COPB1: variants seen among roughly 807,000 people sequenced by gnomAD.
The protein encoded by COPB1 is coatomer subunit beta.
A neutral mutation model predicts 108.7 loss-of-function variants in COPB1; 21 were observed. That is an observed-to-expected ratio of 0.19 (90% CI 0.14 to 0.28). COPB1 has a LOEUF of 0.28. COPB1 is among the 10% of genes least tolerant of loss of function. The probability of loss-of-function intolerance (pLI) is 1.00; values close to 1 mark genes in which losing one functional copy is unlikely to be tolerated. For missense variants in COPB1, 919 were observed against 1,141.3 expected (o/e 0.81, Z 2.81); for synonymous variants, 378 against 386.8 (o/e 0.98, Z 0.27).
intron 21 of COPB1, among the ~76,000 whole-genome samples, 155 bp from the exon 22 acceptor site, chr11:14,458,038 T>C (rs1284299638): frequency 6.6e-6 from 1 of 151,494 alleles, no homozygotes; most frequent in East Asian, 1.9e-4. Flanking sequence ...TACTGGTAAT[T>C]ACCTTTCAGT....
intron 12 of COPB1, among the ~76,000 whole-genome samples, 199 bp from the exon 13 acceptor site, chr11:14,476,144 T>C (rs916847317): frequency 6.6e-6 from 1 of 152,234 alleles, no homozygotes; most frequent in African/African-American, 2.4e-5. Flanking sequence ...ATTCCAGGGT[T>C]TGAATTCTCA....
intron 6 of COPB1, among the ~76,000 whole-genome samples, chr11:14,487,700 A>C (rs1850806018): frequency 6.6e-6 from 1 of 151,768 alleles, no homozygotes; most frequent in African/African-American, 2.4e-5. Flanking sequence ...AACAAAAAAA[A>C]AACAAAAAAA....
At position 14,467,304 on chromosome 11, in the gene COPB1, T is replaced by C. The variant is rs368603678; in HGVS notation, c.2146-878A>G. Among the ~76,000 whole-genome samples the C allele has an allele frequency of 7.2e-5, 11 of 151,966 alleles. No homozygotes were observed. In the East Asian group the frequency reaches 9.6e-4, roughly 13 times the overall value. On this transcript the variant is annotated intron_variant, in intron 16 of 21. Transcript: ENST00000439561. ...GTGAAAAGACACTCATCATCACTAA[T>C]CATTAGGAAAATGCAAATCAAAACC...
chr11:14,467,576 A>T (rs1393793539), intron 16 of COPB1, among the ~76,000 whole-genome samples: 1 of 152,236 alleles, frequency 6.6e-6, no homozygotes, highest in African/African-American at 2.4e-5. Context: ...ACTTGAACAG[A>T]TATTTGTACA....
intron 19 of COPB1, 121 bp downstream of exon 19, chr11:14,461,065 A>AAGACT: frequency 8.1e-7 from 1 of 1,236,914 alleles, no homozygotes; most frequent in Non-Finnish European, 1.2e-6. Context: ...CAGATACTGA[A>AAGACT]AGACTATTTG....
At chr11:14,497,343 G>GA (rs61639111) in intron 2 of COPB1, among the ~76,000 whole-genome samples, 98,779 of 148,830 alleles carry the variant, frequency 0.66, 32,757 homozygotes, top group African/African-American at 0.71. Context: ...AACTCTACAG[G>GA]AAAAAAAAAA....
intron 1 of COPB1, among the ~76,000 whole-genome samples, chr11:14,499,236 A>G (rs2134133929): frequency 6.6e-6 from 1 of 152,288 alleles, no homozygotes; most frequent in East Asian, 1.9e-4. Flanking sequence ...GAACAGTGAC[A>G]GTCCCCCCAG....
intron 11 of COPB1, among the ~76,000 whole-genome samples, chr11:14,479,285 A>G (rs1850605089): frequency 1.3e-5 from 2 of 152,234 alleles, no homozygotes; most frequent in African/African-American, 4.8e-5. Flanking sequence ...AATAGCCAAA[A>G]AGTGATGCCA....
At chr11:14,477,805 G>C (rs1489271697) in intron 11 of COPB1, among the ~76,000 whole-genome samples, 2 of 151,424 alleles carry the variant, frequency 1.3e-5, no homozygotes, top group Non-Finnish European at 2.9e-5. Context: ...GCTGAGGCTG[G>C]AGAATCGCTT....
chr11:14,487,692 C>CA (rs372122303), intron 6 of COPB1, among the ~76,000 whole-genome samples: 3,280 of 142,834 alleles, frequency 0.023, 112 homozygotes, highest in African/African-American at 0.077. Flanking sequence ...CAAAAAACAA[C>CA]AAAAAAAAAA....
chr11:14,464,672 T>C (rs1305403342), intron 18 of COPB1, among the ~76,000 whole-genome samples: 2 of 152,148 alleles, frequency 1.3e-5, no homozygotes, highest in East Asian at 1.9e-4. Context: ...GGACTACAAT[T>C]ATATATTGCC....
chr11:14,458,730 T>A, intron 20 of COPB1, 43 bp from the exon 21 acceptor site: 1 of 1,525,984 alleles, frequency 6.6e-7, no homozygotes, highest in Non-Finnish European at 8.9e-7. Flanking sequence ...ACCAGATACC[T>A]ACATAGAGGC....
chr11:14,465,342 A>T (rs1194869316), intron 17 of COPB1, among the ~76,000 whole-genome samples: 1 of 152,034 alleles, frequency 6.6e-6, no homozygotes. Flanking sequence ...CCTACCATTT[A>T]TTTATTTTGA....
intron 11 of COPB1, among the ~76,000 whole-genome samples, chr11:14,478,094 C>G (rs1850568719): frequency 6.6e-6 from 1 of 151,788 alleles, no homozygotes; most frequent in Admixed American, 6.6e-5. Flanking sequence ...TCTAACAAAA[C>G]CTAGGTTTCA....
chr11:14,493,547 G>A (rs944759561), intron 4 of COPB1, 95 bp downstream of exon 4: 2 of 1,012,070 alleles, frequency 2.0e-6, no homozygotes, highest in African/African-American at 3.3e-5. Context: ...ATATCTTCAA[G>A]CTATATTCAG....
intron 2 of COPB1, among the ~76,000 whole-genome samples, chr11:14,496,818 A>G (rs1851031487): frequency 6.6e-6 from 1 of 152,234 alleles, no homozygotes; most frequent in Admixed American, 6.5e-5. Context: ...AGCTACAGTA[A>G]CCAAAACAGC....
chr11:14,489,666 T>TA (rs1850851817), intron 5 of COPB1, among the ~76,000 whole-genome samples: 2 of 152,132 alleles, frequency 1.3e-5, no homozygotes, highest in East Asian at 3.8e-4. Flanking sequence ...CCGGAATACT[T>TA]AGTCAAAATC....
intron 2 of COPB1, among the ~76,000 whole-genome samples, chr11:14,498,058 G>C (rs969714015): frequency 1.3e-5 from 2 of 152,192 alleles, no homozygotes; most frequent in South Asian, 4.1e-4. Flanking sequence ...TGGTAGGGAA[G>C]TGGAGATGGT....
At chr11:14,499,137 G>A (rs1851093337) in intron 1 of COPB1, among the ~76,000 whole-genome samples, 152 bp from the exon 2 acceptor site, 1 of 151,912 alleles carries the variant, frequency 6.6e-6, no homozygotes, top group African/African-American at 2.4e-5. Flanking sequence ...CACATTATCA[G>A]CTCTGGCATA....
Sources: gnomAD v4.1 joint callset for allele counts (sites outside exome capture counted in the v4.1 genomes callset) on GRCh38, gnomAD v4.1.1 for gene constraint, MANE v1.5 for transcripts, NCBI Gene and HGNC (gene_info 2026-07-23, HGNC 2026-07-21) for gene names.